TRMT44: variants seen among roughly 807,000 people sequenced by gnomAD.
TRMT44 encodes the protein probable tRNA (uracil-O(2)-)-methyltransferase.
A neutral mutation model predicts 77.3 loss-of-function variants in TRMT44; 78 were observed. The observed-to-expected ratio is 1.01, with a 90% CI of 0.84 to 1.22. The LOEUF (loss-of-function observed/expected upper bound fraction) is 1.22, where lower values mean the gene tolerates loss of function less well. Among genes scored for constraint, TRMT44 ranks in the 50% most tolerant of loss-of-function variants. TRMT44 has a pLI of 0.00. For missense variants in TRMT44, 1,090 were observed against 964.4 expected, an observed-to-expected ratio of 1.13 and a Z score of -1.73; for synonymous variants, 391 against 383.3, an observed-to-expected ratio of 1.02 and a Z score of -0.23.
At chr4:8,485,698 G>A (rs1201198319) in intron 2 of TRMT44, among the ~76,000 whole-genome samples, 1 of 152,148 alleles carries the variant, frequency 6.6e-6, no homozygotes, top group East Asian at 1.9e-4. Context: ...AGATGTGGCT[G>A]TAGTCCAGGA....
chr4:8,514,251 CTTTTT>C, the TRMT44 span, among the ~76,000 whole-genome samples: 2 of 114,282 alleles, frequency 1.8e-5, no homozygotes. Context: ...GGGCTCTGAT[CTTTTT>C]TTTTTTTTTT....
At chr4:8,507,907 T>C in the TRMT44 span, among the ~76,000 whole-genome samples, 1 of 81,782 alleles carries the variant, frequency 1.2e-5, no homozygotes, top group East Asian at 4.7e-4. Flanking sequence ...TTGATTTGTT[T>C]TGTTTTGTTT....
Position 8,476,196 on chromosome 4 carries a change from C to G in TRMT44, c.*195C>G. ...GAGAAGCCACAGTTACTCGGAAGCCCCCAGCTGACTGCCTGGCTTGTTTCA... is the reference window on the plus strand; with the variant it reads ...GAGAAGCCACAGTTACTCGGAAGCCGCCAGCTGACTGCCTGGCTTGTTTCA... On this transcript the variant is annotated 3_prime_UTR_variant, in exon 11 of 11. Coordinates refer to ENST00000389737, the MANE Select transcript of TRMT44 (RefSeq NM_152544.3). 1 of 607,746 alleles carries G rather than the reference C, an allele frequency of 1.6e-6. No individual in the cohort carries two copies. Among genetic ancestry groups the G allele is most frequent in the Non-Finnish European group, 2.9e-6 (1 of 346,090 alleles). 37.6% of individuals were successfully genotyped at this position (607,746 alleles called of 1,614,324 possible).
chr4:8,490,307 C>T (rs1023786496), intron 2 of TRMT44, among the ~76,000 whole-genome samples: 43 of 152,208 alleles, frequency 2.8e-4, no homozygotes, highest in Non-Finnish European at 4.4e-4. Flanking sequence ...CAGACCCTCG[C>T]GGTGAGTGTT....
At chr4:8,454,287 A>G (rs1725645505) in intron 5 of TRMT44, 2 of 163,376 alleles carry the variant, frequency 1.2e-5, no homozygotes, top group Non-Finnish European at 2.7e-5. Flanking sequence ...CATAATGACC[A>G]TTAGCGCAGT....
downstream of TRMT44, among the ~76,000 whole-genome samples, chr4:8,495,847 A>G (rs1728135011): frequency 6.6e-6 from 1 of 152,114 alleles, no homozygotes; most frequent in African/African-American, 2.4e-5. Flanking sequence ...AGTACCTCTG[A>G]TTGGTTCCCT....
At chr4:8,481,593 C>T (rs1717952587) in intron 2 of TRMT44, among the ~76,000 whole-genome samples, 1 of 152,226 alleles carries the variant, frequency 6.6e-6, no homozygotes, top group South Asian at 2.1e-4. Flanking sequence ...GTCACTCCTG[C>T]CTCACCCTCC....
chr4:8,493,087 C>G (rs1009057763), intron 2 of TRMT44, among the ~76,000 whole-genome samples: 30 of 152,204 alleles, frequency 2.0e-4, no homozygotes, highest in African/African-American at 7.0e-4. Context: ...AATAACAACT[C>G]TTTTCCAAAA....
At chr4:8,466,382 G>A (rs1437456281) in intron 8 of TRMT44, among the ~76,000 whole-genome samples, 4 of 152,214 alleles carry the variant, frequency 2.6e-5, no homozygotes, top group East Asian at 1.9e-4. Flanking sequence ...GAGGCTGCCC[G>A]GGTCTCTGTG....
chr4:8,455,249 C>T (rs903356137), intron 6 of TRMT44, among the ~76,000 whole-genome samples: 21 of 152,202 alleles, frequency 1.4e-4, no homozygotes, highest in African/African-American at 4.8e-4. Context: ...CCACAAAGGG[C>T]GGTGGCTGTG....
chr4:8,454,898 T>A, intron 6 of TRMT44, 85 bp downstream of exon 6: 1 of 1,232,910 alleles, frequency 8.1e-7, no homozygotes, highest in Non-Finnish European at 1.2e-6. Context: ...TCTCTTTGTA[T>A]AGGTCAAGCA....
intron 6 of TRMT44, among the ~76,000 whole-genome samples, chr4:8,458,464 C>CTTTTTT (rs56203512): frequency 6.1e-5 from 8 of 130,314 alleles, no homozygotes; most frequent in East Asian, 2.2e-4. Flanking sequence ...CTTTTCTTTT[C>CTTTTTT]TTTTTTTTTT....
chr4:8,491,590 C>A (rs1025727018), intron 2 of TRMT44, among the ~76,000 whole-genome samples: 1 of 152,222 alleles, frequency 6.6e-6, no homozygotes, highest in African/African-American at 2.4e-5. Flanking sequence ...AGAAATCGAG[C>A]ACAGCGCCGG....
At chr4:8,464,167 G>A in intron 7 of TRMT44, 76 bp downstream of exon 7, 2 of 1,163,920 alleles carry the variant, frequency 1.7e-6, no homozygotes, top group Non-Finnish European at 2.5e-6. Flanking sequence ...CAAAAGGGTA[G>A]CCACTAGCTG....
intron 8 of TRMT44, 60 bp downstream of exon 8, chr4:8,465,621 G>A: frequency 2.8e-6 from 4 of 1,443,100 alleles, no homozygotes; most frequent in Non-Finnish European, 3.8e-6. Context: ...GAGAGCTCAG[G>A]GCTCTGCCAC....
At position 8,476,043 on chromosome 4, in the gene TRMT44, C is replaced by A; in HGVS notation, c.*42C>A. ...CCGAGGCCTGGTTGGGGAGGCCAAA[C>A]CAAGGAGAGCTTCCCCAGCAGTCGT... is the stretch of plus-strand genomic sequence containing the variant. On this transcript the variant is annotated 3_prime_UTR_variant, in exon 11 of 11. Coordinates refer to ENST00000389737, the MANE Select transcript of TRMT44 (RefSeq NM_152544.3). 1 of 1,582,830 alleles carries A rather than the reference C, an allele frequency of 6.3e-7. No individual in the cohort carries two copies. Among genetic ancestry groups the A allele is most frequent in the Admixed American group, 1.7e-5 (1 of 59,036 alleles).
At chr4:8,516,434 C>A in the TRMT44 span, among the ~76,000 whole-genome samples, 5 of 152,196 alleles carry the variant, frequency 3.3e-5, no homozygotes, top group African/African-American at 1.2e-4. Flanking sequence ...CCTGACCAAT[C>A]AACAAGCCTA....
At position 8,454,371 on chromosome 4, in the gene TRMT44, AATG is replaced by A. The variant is rs1579050585; in HGVS notation, c.1132-370_1132-368del. ...CTGAGAAATTCTGGTGTCATCCATG[AATG>A]CTAATGACACACTTGAAAAAGGGCA... On this transcript the variant is annotated intron_variant, in intron 5 of 10. Transcript: ENST00000389737. The A allele has an allele frequency of 6.4e-5, 14 of 220,032 alleles. No homozygotes were observed. The East Asian group carries it at 1.3e-3, about 21-fold the overall frequency. The allele number at this position is 220,032 out of a possible 1,614,324, so 13.6% of individuals were successfully genotyped here. A position where few individuals can be genotyped will look rare whatever the true frequency, so the allele number is the denominator to read the frequency against.
the TRMT44 span, among the ~76,000 whole-genome samples, chr4:8,515,728 T>G: frequency 1.3e-5 from 2 of 152,252 alleles, no homozygotes; most frequent in Admixed American, 6.5e-5. Flanking sequence ...CCAAATATTG[T>G]TCCCCAGGCA....
Sources: gnomAD v4.1 joint callset for allele counts (sites outside exome capture counted in the v4.1 genomes callset) on GRCh38, gnomAD v4.1.1 for gene constraint, MANE v1.5 for transcripts, NCBI Gene and HGNC (gene_info 2026-07-23, HGNC 2026-07-21) for gene names.